The following AOPEP variants were observed in gnomAD, a reference collection of about 807,000 sequenced individuals.
The protein encoded by AOPEP is aminopeptidase O.
A neutral mutation model predicts 98.1 loss-of-function variants in AOPEP; 77 were observed. The ratio of observed to expected loss-of-function variants is 0.78; its 90% CI spans 0.65 to 0.95. The LOEUF (loss-of-function observed/expected upper bound fraction) is 0.95, where lower values mean the gene tolerates loss of function less well. Among genes scored for constraint, AOPEP ranks in the 40% least tolerant of loss-of-function variants. The probability of loss-of-function intolerance (pLI) is 0.00; values close to 1 mark genes in which losing one functional copy is unlikely to be tolerated. For synonymous variants in AOPEP, 346 were observed against 365.3 expected (o/e 0.95, Z 0.60); for missense variants, 1,024 against 1,024.7 (o/e 1.00, Z 0.01).
At chr9:94,997,935 G>C (rs1435179216) in intron 11 of AOPEP, among the ~76,000 whole-genome samples, 1 of 152,034 alleles carries the variant, frequency 6.6e-6, no homozygotes, top group African/African-American at 2.4e-5. Flanking sequence ...CTGGCCTCAA[G>C]TGATCCTCCC....
chr9:95,141,524 A>G, the AOPEP span, among the ~76,000 whole-genome samples: 4 of 152,132 alleles, frequency 2.6e-5, no homozygotes, highest in Non-Finnish European at 4.4e-5. Flanking sequence ...CTAAGTTGAA[A>G]AAAACATAAA....
At chr9:95,145,040 G>A in the AOPEP span, among the ~76,000 whole-genome samples, 6 of 152,258 alleles carry the variant, frequency 3.9e-5, no homozygotes, top group South Asian at 1.2e-3. Context: ...TTCGAATCAA[G>A]TGACTTAATC....
chr9:95,111,334 G>C, the AOPEP span: 10 of 1,597,710 alleles, frequency 6.3e-6, no homozygotes, highest in South Asian at 1.1e-5. Context: ...AGGTTGCCAT[G>C]ACATATGCCA....
intron 7 of AOPEP, among the ~76,000 whole-genome samples, chr9:94,944,554 T>G (rs2057404499): frequency 6.6e-6 from 1 of 152,132 alleles, no homozygotes; most frequent in Non-Finnish European, 1.5e-5. Flanking sequence ...AGACAAAAAG[T>G]AGATTTTTTA....
Position 94,800,890 on chromosome 9 carries a change from C to T in AOPEP, c.1252C>T (p.Arg418Trp), listed in dbSNP as rs141739552. The change falls in exon 5 of 17, where the codon CGG becomes TGG. Residue 418 changes from arginine to tryptophan, a missense_variant. Arg to Trp is a moderately radical substitution (Grantham distance 101). Transcript: ENST00000375315. ...LTGACQETLL[R>W]LIPPCLSAAH... ...GGGTGCCTGCCAAGAGACCCTTCTG[C>T]GGCTGATCCCTCCTTGCCTCTCAGC... The T allele has an allele frequency of 7.2e-5, 116 of 1,614,042 alleles. No individual in the cohort carries two copies. Among genetic ancestry groups the T allele is most frequent in the South Asian group, 9.9e-5 (9 of 91,078 alleles).
intron 5 of AOPEP, among the ~76,000 whole-genome samples, chr9:94,811,484 C>A (rs946515764): frequency 6.6e-6 from 1 of 152,160 alleles, no homozygotes; most frequent in South Asian, 2.1e-4. Context: ...AGACCTCTTC[C>A]GTCTGGGCTC....
chr9:95,131,520 A>G, the AOPEP span, among the ~76,000 whole-genome samples: 4 of 152,198 alleles, frequency 2.6e-5, no homozygotes, highest in Admixed American at 2.6e-4. Flanking sequence ...ACTATGCTGG[A>G]GGATCTGGTG....
At chr9:94,822,705 A>G (rs1445385361) in intron 5 of AOPEP, among the ~76,000 whole-genome samples, 1 of 152,218 alleles carries the variant, frequency 6.6e-6, no homozygotes, top group African/African-American at 2.4e-5. Context: ...AACAAGCTGG[A>G]AAGATGTCTC....
chr9:94,913,751 C>A (rs1168528704), intron 5 of AOPEP, among the ~76,000 whole-genome samples: 1 of 152,202 alleles, frequency 6.6e-6, no homozygotes, highest in Non-Finnish European at 1.5e-5. Flanking sequence ...CAAGGGAGAA[C>A]AATCAGTGAA....
intron 5 of AOPEP, among the ~76,000 whole-genome samples, chr9:94,810,650 G>T (rs970237476): frequency 6.6e-6 from 1 of 152,084 alleles, no homozygotes; most frequent in African/African-American, 2.4e-5. Flanking sequence ...AGGCATGGGG[G>T]TGATTCAGTT....
chr9:95,064,197 G>GA (rs1468094042), intron 14 of AOPEP, among the ~76,000 whole-genome samples: 49 of 152,298 alleles, frequency 3.2e-4, no homozygotes, highest in Non-Finnish European at 6.2e-4. Flanking sequence ...ATTGGAAATG[G>GA]AAAAAACGAC....
chr9:95,007,987 G>A (rs1331114627), intron 13 of AOPEP, among the ~76,000 whole-genome samples: 1 of 152,196 alleles, frequency 6.6e-6, no homozygotes, highest in Non-Finnish European at 1.5e-5. Flanking sequence ...ACAAGTAGAA[G>A]CAGATTATTC....
chr9:95,009,383 T>C (rs1266414646), intron 13 of AOPEP, among the ~76,000 whole-genome samples: 5 of 152,284 alleles, frequency 3.3e-5, no homozygotes, highest in East Asian at 1.9e-4. Context: ...AATATACTTA[T>C]GGAAAATATA....
chr9:95,124,304 A>G, the AOPEP span, among the ~76,000 whole-genome samples: 1 of 152,078 alleles, frequency 6.6e-6, no homozygotes, highest in Non-Finnish European at 1.5e-5. Context: ...TCGACAGGCA[A>G]TGTGTCCCAT....
At chr9:95,103,619 G>A in the AOPEP span, among the ~76,000 whole-genome samples, 5 of 152,224 alleles carry the variant, frequency 3.3e-5, no homozygotes, top group African/African-American at 1.2e-4. Context: ...CTGGCGAGAG[G>A]CCAGGAGCCA....
At chr9:95,017,161 C>T (rs1417796557) in intron 13 of AOPEP, among the ~76,000 whole-genome samples, 1 of 151,988 alleles carries the variant, frequency 6.6e-6, no homozygotes, top group African/African-American at 2.4e-5. Context: ...TATTCGTATA[C>T]AAGTGGGTTT....
At chr9:94,874,579 A>G (rs1199897793) in intron 5 of AOPEP, among the ~76,000 whole-genome samples, 1 of 152,156 alleles carries the variant, frequency 6.6e-6, no homozygotes, top group African/African-American at 2.4e-5. Flanking sequence ...GCTTTTTTTA[A>G]AAGAATTATT....
At chr9:94,848,412 A>G (rs1358247507) in intron 5 of AOPEP, among the ~76,000 whole-genome samples, 3 of 141,736 alleles carry the variant, frequency 2.1e-5, no homozygotes, top group Non-Finnish European at 4.5e-5. Flanking sequence ...AGATTACACC[A>G]CTGCACTCCA....
At chr9:94,937,097 G>A (rs1049671385) in intron 7 of AOPEP, among the ~76,000 whole-genome samples, 3 of 152,040 alleles carry the variant, frequency 2.0e-5, no homozygotes, top group African/African-American at 4.8e-5. Context: ...CTTTACCCCC[G>A]TCCCCTCCCC....
Sources: gnomAD v4.1 joint callset for allele counts (sites outside exome capture counted in the v4.1 genomes callset) on GRCh38, gnomAD v4.1.1 for gene constraint, MANE v1.5 for transcripts, NCBI Gene and HGNC (gene_info 2026-07-23, HGNC 2026-07-21) for gene names.